AP3B1: variants seen among roughly 807,000 people sequenced by gnomAD.
AP3B1 encodes adaptor related protein complex 3 subunit beta 1, also known as AP-3 complex subunit beta-1.
A neutral mutation model predicts 132.5 loss-of-function variants in AP3B1; 61 were observed. The observed-to-expected ratio is 0.46, with a 90% CI of 0.37 to 0.57. The LOEUF (loss-of-function observed/expected upper bound fraction) is 0.57. AP3B1 is among the 20% of genes least tolerant of loss of function. The probability of loss-of-function intolerance (pLI) is 0.00; values close to 1 mark genes in which losing one functional copy is unlikely to be tolerated. For missense variants in AP3B1, 1,120 were observed against 1,289.4 expected (o/e 0.87, Z 2.01); for synonymous variants, 388 against 438.3 (o/e 0.89, Z 1.43).
chr5:78,250,235 G>A (rs947366484), intron 2 of AP3B1, among the ~76,000 whole-genome samples: 50 of 151,882 alleles, frequency 3.3e-4, no homozygotes, highest in African/African-American at 1.2e-3. Context: ...CCAAACAGCA[G>A]AATATATAGT....
At chr5:78,265,885 T>G (rs1232821503) in intron 2 of AP3B1, among the ~76,000 whole-genome samples, 1 of 152,238 alleles carries the variant, frequency 6.6e-6, no homozygotes, top group Non-Finnish European at 1.5e-5. Context: ...ACTTTTCATT[T>G]CTTTGCTGTA....
At chr5:78,212,392 G>T (rs1034872905) in intron 7 of AP3B1, among the ~76,000 whole-genome samples, 1 of 152,124 alleles carries the variant, frequency 6.6e-6, no homozygotes, top group African/African-American at 2.4e-5. Flanking sequence ...AGAGAAAACT[G>T]CTGGATTTAA....
intron 26 of AP3B1, among the ~76,000 whole-genome samples, chr5:78,006,724 T>C (rs1269916875): frequency 6.6e-6 from 1 of 152,214 alleles, no homozygotes; most frequent in Non-Finnish European, 1.5e-5. Context: ...CTCCATGTTA[T>C]TAAAAGGACA....
At chr5:78,078,655 T>G (rs762691884) in intron 22 of AP3B1, among the ~76,000 whole-genome samples, 2 of 152,244 alleles carry the variant, frequency 1.3e-5, no homozygotes, top group African/African-American at 4.8e-5. Context: ...AAGTCCATAT[T>G]GATAGGCACT....
chr5:78,258,988 A>G (rs1295594022), intron 2 of AP3B1, among the ~76,000 whole-genome samples: 1 of 152,238 alleles, frequency 6.6e-6, no homozygotes, highest in Non-Finnish European at 1.5e-5. Context: ...CTGTAATCCC[A>G]GCACTTTGAG....
chr5:78,121,406 G>C (rs1233451875), intron 17 of AP3B1, among the ~76,000 whole-genome samples: 1 of 152,168 alleles, frequency 6.6e-6, no homozygotes, highest in African/African-American at 2.4e-5. Flanking sequence ...GAATCCAGGA[G>C]CTGCTTTTTT....
At chr5:78,143,808 G>A (rs56265151) in intron 14 of AP3B1, among the ~76,000 whole-genome samples, 27,322 of 152,094 alleles carry the variant, frequency 0.18, 2,773 homozygotes, top group Admixed American at 0.27. Flanking sequence ...GAGGACAGGA[G>A]TTTGAGACCA....
At chr5:78,081,619 T>G (rs941267556) in intron 22 of AP3B1, among the ~76,000 whole-genome samples, 4 of 152,100 alleles carry the variant, frequency 2.6e-5, no homozygotes, top group Non-Finnish European at 5.9e-5. Context: ...TTATAGAACG[T>G]GTGAATTACT....
chr5:78,126,943 T>C (rs1226185506), intron 17 of AP3B1, among the ~76,000 whole-genome samples: 1 of 152,168 alleles, frequency 6.6e-6, no homozygotes, highest in Non-Finnish European at 1.5e-5. Flanking sequence ...TCCCTTACAA[T>C]CATTATTAGG....
At chr5:78,105,560 T>C (rs1301265063) in intron 20 of AP3B1, among the ~76,000 whole-genome samples, 2 of 152,070 alleles carry the variant, frequency 1.3e-5, no homozygotes, top group Non-Finnish European at 2.9e-5. Context: ...TAAAAAAAAA[T>C]TTCCCCTTTA....
chr5:78,066,055 A>C (rs1467518219), intron 22 of AP3B1, among the ~76,000 whole-genome samples: 1 of 152,222 alleles, frequency 6.6e-6, no homozygotes, highest in African/African-American at 2.4e-5. Flanking sequence ...AGTGGGCCCC[A>C]GCAAACTGCA....
chr5:78,047,184 T>C (rs440369), intron 22 of AP3B1, among the ~76,000 whole-genome samples: 40,812 of 152,140 alleles, frequency 0.27, 6,079 homozygotes, highest in Admixed American at 0.4. Context: ...GTCTTTATAG[T>C]AGAATGATTT....
intron 1 of AP3B1, among the ~76,000 whole-genome samples, chr5:78,288,274 T>C (rs1045321535): frequency 3.9e-5 from 6 of 152,230 alleles, no homozygotes; most frequent in African/African-American, 1.4e-4. Context: ...TTAGTTCACA[T>C]TAGCCTAATC....
At chr5:78,094,188 A>C (rs867802646) in intron 21 of AP3B1, among the ~76,000 whole-genome samples, 2 of 152,330 alleles carry the variant, frequency 1.3e-5, no homozygotes, top group African/African-American at 2.4e-5. Context: ...GGGGTCCTAA[A>C]ATATATTGTT....
At chr5:78,077,000 T>G (rs1375540454) in intron 22 of AP3B1, among the ~76,000 whole-genome samples, 1 of 152,126 alleles carries the variant, frequency 6.6e-6, no homozygotes, top group African/African-American at 2.4e-5. Flanking sequence ...AACTAGAGAG[T>G]GGTTTTGGGA....
chr5:78,023,341 G>A (rs529359102), intron 24 of AP3B1, among the ~76,000 whole-genome samples: 4 of 152,196 alleles, frequency 2.6e-5, no homozygotes, highest in Non-Finnish European at 5.9e-5. Flanking sequence ...ACTTGGGAGC[G>A]TGAGCTGGGA....
intron 23 of AP3B1, among the ~76,000 whole-genome samples, chr5:78,036,715 A>T (rs1747824303): frequency 6.6e-6 from 1 of 152,316 alleles, no homozygotes; most frequent in Non-Finnish European, 1.5e-5. Context: ...ATTGCACATT[A>T]CAGACAAAAC....
intron 22 of AP3B1, among the ~76,000 whole-genome samples, chr5:78,060,961 A>G (rs1053269784): frequency 1.3e-5 from 2 of 152,158 alleles, no homozygotes; most frequent in African/African-American, 4.8e-5. Context: ...CATGTTATGT[A>G]ATTTTTATGT....
intron 7 of AP3B1, 130 bp downstream of exon 7, chr5:78,215,924 CA>C: frequency 2.4e-6 from 2 of 817,024 alleles, no homozygotes; most frequent in South Asian, 3.3e-5. Context: ...AGTAAAAGAA[CA>C]AGAGACAAAT....
Sources: allele counts gnomAD v4.1 joint callset (sites outside exome capture counted in the v4.1 genomes callset), GRCh38; gene constraint gnomAD v4.1.1; transcripts MANE v1.5; gene names NCBI Gene and HGNC (gene_info 2026-07-23, HGNC 2026-07-21).